Variants in EP400 observed in about 807,000 individuals in gnomAD.
The protein encoded by EP400 is E1A binding protein p400.
A neutral mutation model predicts 354.1 loss-of-function variants in EP400; 105 were observed. The ratio of observed to expected loss-of-function variants is 0.30; its 90% confidence interval spans 0.25 to 0.35. EP400 has a LOEUF of 0.35. EP400 is among the 10% of genes least tolerant of loss of function. EP400 has a pLI of 1.00. For synonymous variants in EP400, 1,646 were observed against 1,716.9 expected (o/e 0.96, Z 1.02); for missense variants, 3,280 against 4,121.0 (o/e 0.80, Z 5.59).
intron 51 of EP400, 67 bp from the exon 52 acceptor site, chr12:132,076,449 G>A (rs1896241742): frequency 6.6e-7 from 1 of 1,516,156 alleles, no homozygotes; most frequent in East Asian, 2.3e-5. Context: ...CAGAAAGGGA[G>A]GAAAAATCTC....
chr12:132,039,771 G>T (rs1258147280), intron 32 of EP400, among the ~76,000 whole-genome samples: 3 of 152,256 alleles, frequency 2.0e-5, no homozygotes, highest in Non-Finnish European at 4.4e-5. Flanking sequence ...AGGTGTGGTG[G>T]CTCAGGCCTG....
rs1891885805 is a variant in EP400 at position 131,961,616 on chromosome 12, A to G, written c.997A>G (p.Ser333Gly). The part of the protein sequence containing the change: ...SRTAVPPGLS[S>G]LPLTSVGNTG... ...GACTGCCGTGCCCCCAGGCCTTTCC[A>G]GCCTCCCACTCACGTCTGTGGGGAA... The change falls in exon 2 of 53, where the codon AGC (serine) becomes GGC (glycine). Residue 333 changes from serine (S) to glycine (G), a missense_variant. By Grantham distance (56) the Ser-to-Gly change is moderately conservative (BLOSUM62 0). Transcript: ENST00000389561. 1 of 1,579,842 alleles carries G rather than the reference A, an allele frequency of 6.3e-7. No individual in the cohort carries two copies. The highest frequency in any genetic ancestry group is 2.3e-5 in the East Asian group (1 of 43,564).
At chr12:131,988,624 T>G (rs1892935318) in intron 7 of EP400, among the ~76,000 whole-genome samples, 1 of 152,214 alleles carries the variant, frequency 6.6e-6, no homozygotes, top group South Asian at 2.1e-4. Context: ...CGCAGAGTCC[T>G]TGGAAGACTC....
intron 51 of EP400, among the ~76,000 whole-genome samples, chr12:132,072,228 C>T (rs986406901): frequency 3.3e-5 from 5 of 152,324 alleles, no homozygotes; most frequent in South Asian, 4.1e-4. Flanking sequence ...CCGGAGGGCC[C>T]GGGACCGCAG....
chr12:132,041,950 C>CTTTTTTTTTTT (rs1894925998), intron 32 of EP400, among the ~76,000 whole-genome samples: 1 of 134,880 alleles, frequency 7.4e-6, no homozygotes, highest in African/African-American at 3.2e-5. Context: ...CTTTTTTTTT[C>CTTTTTTTTTTT]TTTTTCTTTT....
intron 51 of EP400, among the ~76,000 whole-genome samples, chr12:132,073,397 G>A (rs1353312695): frequency 1.3e-5 from 2 of 149,680 alleles, no homozygotes; most frequent in African/African-American, 5.0e-5. Flanking sequence ...TTATCACACA[G>A]TAGCTCAGTT....
chr12:132,013,836 GAAAT>G lies in EP400; in HGVS notation c.3848_3851del (p.Lys1283MetfsTer5), dbSNP rs1304341705. The G allele has an allele frequency of 6.2e-7, 1 of 1,614,128 alleles. No individual in the cohort carries two copies. Among genetic ancestry groups the G allele is most frequent in the Non-Finnish European group, 8.5e-7 (1 of 1,180,050 alleles). On this transcript the variant is annotated frameshift_variant, in exon 19 of 53. Coordinates refer to ENST00000389561, the MANE Select transcript of EP400 (RefSeq NM_015409.5). LOFTEE classifies it high-confidence loss of function. The surrounding 1 kb of genome is among the most constrained non-coding windows in gnomAD (Gnocchi z 4.5). ...GAGATGTGGAAAAGCAACTAACAAA[GAAAT>G]ATGAGCATGTTTTGAAGTGTCGCCT...
rs1242312532 is a variant in EP400, at chr12:131,949,998, C to T, written c.-74C>T. The T allele has an allele frequency of 6.6e-6, 1 of 151,852 alleles. No individual in the cohort carries two copies. The highest frequency in any genetic ancestry group is 1.5e-5 in the Non-Finnish European group (1 of 67,922). The allele number at this position is 151,852 out of a possible 1,614,324, so 9.4% of individuals were successfully genotyped here. On this transcript the variant is annotated 5_prime_UTR_variant, in exon 1 of 53. Coordinates refer to ENST00000389561, the MANE Select transcript of EP400 (RefSeq NM_015409.5). ...CTGCGGCGCGGCTTCCATCCTCCCG[C>T]CCTCCTGACGCGGCCGGAGCGCAGC...
rs552904237 is a variant in EP400 at position 131,984,769 on chromosome 12, G to A, written c.1930-1745G>A. Among the ~76,000 whole-genome samples, 4 of 150,982 alleles carry A rather than the reference G, an allele frequency of 2.6e-5. No homozygotes were observed. In the South Asian group the frequency reaches 6.3e-4, roughly 24 times the overall value. ...GGTGGAGCGCAGTGGCACGATCTCCGCTCACTGCAACCTCTGCCTCCTGGG... is the reference window on the plus strand; with the variant it reads ...GGTGGAGCGCAGTGGCACGATCTCCACTCACTGCAACCTCTGCCTCCTGGG... On this transcript the variant is annotated intron_variant, in intron 5 of 52. Coordinates refer to ENST00000389561, the MANE Select transcript of EP400 (RefSeq NM_015409.5).
At chr12:131,967,917 A>G (rs1031618174) in intron 2 of EP400, among the ~76,000 whole-genome samples, 3 of 152,168 alleles carry the variant, frequency 2.0e-5, no homozygotes, top group African/African-American at 4.8e-5. Flanking sequence ...CTGTTCGTAT[A>G]TCTTTGACAA....
At position 132,070,183 on chromosome 12, in the gene EP400, C is replaced by T. The variant is rs1181627690; in HGVS notation, c.9021+542C>T. Among the ~76,000 whole-genome samples the T allele has an allele frequency of 6.6e-6, 1 of 152,126 alleles. No homozygotes were observed. The highest frequency in any genetic ancestry group is 1.5e-5 in the Non-Finnish European group (1 of 68,044). ...GTACCTTCTTAGCTGGTCTTCCACCCTCCTGGAGTTGGTTTTTGGGTATGA... is the reference window on the plus strand; with the variant it reads ...GTACCTTCTTAGCTGGTCTTCCACCTTCCTGGAGTTGGTTTTTGGGTATGA... On this transcript the variant is annotated intron_variant, in intron 51 of 52. Coordinates refer to ENST00000389561, the MANE Select transcript of EP400 (RefSeq NM_015409.5). This position sits in a 1 kb window ranked among gnomAD's most constrained non-coding sequence, Gnocchi z 4.1.
At chr12:132,062,366 G>A in intron 46 of EP400, 43 bp downstream of exon 46, 1 of 1,611,770 alleles carries the variant, frequency 6.2e-7, no homozygotes, top group Non-Finnish European at 8.5e-7. Flanking sequence ...CGTCTGCTCT[G>A]GCGCGTGTGA....
chr12:132,051,964 C>T (rs751168134), intron 41 of EP400, among the ~76,000 whole-genome samples: 20 of 152,190 alleles, frequency 1.3e-4, no homozygotes, highest in Admixed American at 1.1e-3. Context: ...TGGCCCTGTC[C>T]GGGCATAACA....
At chr12:131,977,932 A>C (rs1892539547) in intron 2 of EP400, among the ~76,000 whole-genome samples, 1 of 152,342 alleles carries the variant, frequency 6.6e-6, no homozygotes, top group African/African-American at 2.4e-5. Flanking sequence ...TGCTTTGTTT[A>C]GGTATCTGTA....
Position 132,038,731 on chromosome 12 carries a change from C to T in EP400, c.6207+635C>T, listed in dbSNP as rs151330808. Among the ~76,000 whole-genome samples the T allele has an allele frequency of 1.7e-4, 26 of 152,266 alleles. No individual in the cohort carries two copies. Among genetic ancestry groups the T allele is most frequent in the African/African-American group, 5.5e-4 (23 of 41,562 alleles). ...CTGCTGTGTAGACATGTCACAGACC[C>T]GTCACGGGGCCGCTGTTCCCTCCCT... On this transcript the variant is annotated intron_variant, in intron 32 of 52. Transcript: ENST00000389561. This position sits in a 1 kb window ranked among gnomAD's most constrained non-coding sequence, Gnocchi z 4.2.
chr12:131,955,456 A>G (rs960552112), intron 1 of EP400, among the ~76,000 whole-genome samples: 2 of 149,764 alleles, frequency 1.3e-5, no homozygotes, highest in Non-Finnish European at 3.0e-5. Flanking sequence ...CTAATTTTGT[A>G]TTATTGGTAG....
intron 39 of EP400, among the ~76,000 whole-genome samples, chr12:132,048,566 A>G (rs1895189798): frequency 1.4e-5 from 2 of 144,048 alleles, no homozygotes; most frequent in African/African-American, 5.2e-5. Context: ...GTTGTCACCT[A>G]GGCTGGAGTG....
At chr12:131,987,494 A>AG (rs756433760) in intron 6 of EP400, among the ~76,000 whole-genome samples, 1 of 152,178 alleles carries the variant, frequency 6.6e-6, no homozygotes, top group Non-Finnish European at 1.5e-5. Flanking sequence ...GGCTCCTGGA[A>AG]GGGTCACATG....
At chr12:132,033,723 G>C (rs1894600814) in intron 30 of EP400, among the ~76,000 whole-genome samples, 1 of 151,880 alleles carries the variant, frequency 6.6e-6, no homozygotes, top group African/African-American at 2.4e-5. Flanking sequence ...GCACAGACAG[G>C]GTTTTGCTGT....
Sources: allele counts gnomAD v4.1 joint callset (sites outside exome capture counted in the v4.1 genomes callset), GRCh38; gene constraint gnomAD v4.1.1; non-coding constraint Gnocchi (gnomAD v3.1); transcripts MANE v1.5; gene names NCBI Gene and HGNC (gene_info 2026-07-23, HGNC 2026-07-21).